The following GRM5 variants were observed in gnomAD, a reference collection of about 807,000 sequenced individuals.
GRM5 encodes the protein metabotropic glutamate receptor 5.
A neutral mutation model predicts 83.1 loss-of-function variants in GRM5; 19 were observed. That is an observed-to-expected ratio of 0.23 (90% CI 0.16 to 0.34). The LOEUF (loss-of-function observed/expected upper bound fraction) is 0.34, where lower values mean the gene tolerates loss of function less well. Among genes scored for constraint, GRM5 ranks in the 10% least tolerant of loss-of-function variants. The pLI, the probability that GRM5 is intolerant of heterozygous loss-of-function variation, is 1.00. For synonymous variants in GRM5, 675 were observed against 633.6 expected (o/e 1.07, Z -0.98); for missense variants, 1,160 against 1,588.3 (o/e 0.73, Z 4.58).
intron 2 of GRM5, among the ~76,000 whole-genome samples, chr11:88,986,614 A>AT (rs143455850): frequency 0.083 from 12,519 of 150,630 alleles, 1,651 homozygotes; most frequent in African/African-American, 0.28. Context: ...CTTCCTAGAT[A>AT]TGTGGTTTGC....
At chr11:88,621,529 C>G (rs906647939) in intron 4 of GRM5, among the ~76,000 whole-genome samples, 1 of 152,090 alleles carries the variant, frequency 6.6e-6, no homozygotes, top group Non-Finnish European at 1.5e-5. Flanking sequence ...TATGACCCCA[C>G]AACAGGTACC....
chr11:88,568,999 A>G (rs923417412), intron 7 of GRM5, among the ~76,000 whole-genome samples: 15 of 152,244 alleles, frequency 9.9e-5, no homozygotes, highest in Non-Finnish European at 2.1e-4. Flanking sequence ...GTGACAGAAT[A>G]TAGCATCATT....
intron 2 of GRM5, among the ~76,000 whole-genome samples, chr11:88,983,675 C>T (rs1305597402): frequency 6.6e-6 from 1 of 152,044 alleles, no homozygotes; most frequent in Non-Finnish European, 1.5e-5. Flanking sequence ...TGATAATATA[C>T]TTTATACTTT....
Position 88,739,822 on chromosome 11 carries a change from C to G in GRM5, c.912-86419G>C, listed in dbSNP as rs1429218493. Among the ~76,000 whole-genome samples, 4 of 152,098 alleles carry G rather than the reference C, an allele frequency of 2.6e-5. No homozygotes were observed. In the East Asian group the frequency reaches 7.7e-4, roughly 29 times the overall value. On this transcript the variant is annotated intron_variant, in intron 3 of 9. Coordinates refer to ENST00000305447, the MANE Select transcript of GRM5 (RefSeq NM_001143831.3). ...TAAACCTCTTTCCTTTATAAATTAC[C>G]CAGTCTTGGGCAATTGTTCATAGCA...
chr11:89,064,941 G>GAGAGAGAGAGA (rs56894219), intron 1 of GRM5, among the ~76,000 whole-genome samples: 13 of 37,020 alleles, frequency 3.5e-4, no homozygotes, highest in South Asian at 1.5e-3. Flanking sequence ...AGAGAGAGAG[G>GAGAGAGAGAGA]GAGAGAGAGA....
chr11:88,607,982 C>T (rs1277350925), intron 4 of GRM5, among the ~76,000 whole-genome samples: 3 of 152,228 alleles, frequency 2.0e-5, no homozygotes, highest in African/African-American at 2.4e-5. Flanking sequence ...AACAGCATGT[C>T]CTTCAATGAT....
chr11:88,751,090 A>AAAAAAAAAAAAAAAAAAT (rs1942264086), intron 3 of GRM5, among the ~76,000 whole-genome samples: 12 of 140,346 alleles, frequency 8.6e-5, no homozygotes, highest in Non-Finnish European at 1.9e-4. Flanking sequence ...AAAAAAAAAA[A>AAAAAAAAAAAAAAAAAAT]AAAAACAAAG....
At chr11:88,770,209 GA>G (rs1275306427) in intron 3 of GRM5, among the ~76,000 whole-genome samples, 2 of 152,004 alleles carry the variant, frequency 1.3e-5, no homozygotes, top group African/African-American at 4.8e-5. Context: ...TTACAGCCAA[GA>G]GGAGCCTAAG....
At chr11:88,780,927 C>T (rs1181489569) in intron 3 of GRM5, among the ~76,000 whole-genome samples, 3 of 151,922 alleles carry the variant, frequency 2.0e-5, no homozygotes, top group Non-Finnish European at 4.4e-5. Context: ...CTCCTTTGAT[C>T]TATTCATACA....
At chr11:88,957,751 A>G (rs192518660) in intron 2 of GRM5, among the ~76,000 whole-genome samples, 101 of 152,302 alleles carry the variant, frequency 6.6e-4, no homozygotes, top group Middle Eastern at 3.4e-3. Context: ...ATGCTTTAAA[A>G]TGATCTTCCC....
Position 89,047,975 on chromosome 11 carries a change from A to C in GRM5, c.-103T>G. The C allele has an allele frequency of 2.5e-6, 2 of 797,734 alleles. No individual in the cohort carries two copies. The highest frequency in any genetic ancestry group is 4.9e-5 in the Admixed American group (2 of 40,484). The allele number at this position is 797,734 out of a possible 1,614,324, so 49.4% of individuals were successfully genotyped here. A position where few individuals can be genotyped will look rare whatever the true frequency, so the allele number is the denominator to read the frequency against. ...GATGTCCTACGTTGAGTCGCAAATCAAGAAATTAGCCAGCAATTCAGATGT... is the reference window on the plus strand; with the variant it reads ...GATGTCCTACGTTGAGTCGCAAATCCAGAAATTAGCCAGCAATTCAGATGT... On this transcript the variant is annotated 5_prime_UTR_variant, in exon 2 of 10. Transcript: ENST00000305447. This position sits in a 1 kb window ranked among gnomAD's most constrained non-coding sequence, Gnocchi z 5.1.
At position 88,582,667 on chromosome 11, in the gene GRM5, T is replaced by G. The variant is rs147256477; in HGVS notation, c.1690+7934A>C. 7.3e-3 allele frequency among the ~76,000 whole-genome samples: 1,115 copies of G among 152,290 alleles called. 12 individuals are homozygous for G. The highest frequency in any genetic ancestry group is 0.026 in the African/African-American group (1,077 of 41,570). On this transcript the variant is annotated intron_variant, in intron 7 of 9. Transcript: ENST00000305447. ...ATCAGAAATTTCCTCTAAAGAATCA[T>G]AAACAAATAATATTTAATAGATGCC... is the stretch of plus-strand genomic sequence containing the variant.
intron 2 of GRM5, among the ~76,000 whole-genome samples, chr11:88,883,433 G>A (rs948250886): frequency 2.0e-5 from 3 of 152,140 alleles, no homozygotes; most frequent in Non-Finnish European, 4.4e-5. Context: ...AGAGATCTGT[G>A]GAACTTTCAA....
At chr11:88,544,882 T>C (rs1942354374) in intron 8 of GRM5, among the ~76,000 whole-genome samples, 1 of 152,238 alleles carries the variant, frequency 6.6e-6, no homozygotes, top group African/African-American at 2.4e-5. Flanking sequence ...TGCATCTTGA[T>C]AGTTTGCACA....
In GRM5 at chr11:88,695,762, G is replaced by A. The variant is rs113594144; in HGVS notation, c.912-42359C>T. Among the ~76,000 whole-genome samples, 558 of 152,222 alleles carry A rather than the reference G, an allele frequency of 3.7e-3. 4 individuals are homozygous for A. The highest frequency in any genetic ancestry group is 2.0e-3 in the Non-Finnish European group (139 of 68,020). On this transcript the variant is annotated intron_variant, in intron 3 of 9. Coordinates refer to ENST00000305447, the MANE Select transcript of GRM5 (RefSeq NM_001143831.3). Reference sequence around the variant, plus strand: ...AGTTCCCTTATCCCTCTCACAGGGCGTGAGACAGGGTGTGGCTCGCTTCTT... The same window carrying A: ...AGTTCCCTTATCCCTCTCACAGGGCATGAGACAGGGTGTGGCTCGCTTCTT...
intron 3 of GRM5, among the ~76,000 whole-genome samples, chr11:88,805,188 T>A (rs1289391983): frequency 6.6e-6 from 1 of 152,096 alleles, no homozygotes; most frequent in Admixed American, 6.6e-5. Flanking sequence ...TATTTTAATT[T>A]ATTTTATTTA....
intron 2 of GRM5, among the ~76,000 whole-genome samples, chr11:89,020,735 CTA>C (rs1940963880): frequency 6.6e-6 from 1 of 152,110 alleles, no homozygotes; most frequent in Non-Finnish European, 1.5e-5. Flanking sequence ...ACATATTATT[CTA>C]TGTTAAAAAT....
intron 4 of GRM5, among the ~76,000 whole-genome samples, chr11:88,651,017 G>A (rs114537619): frequency 3.7e-4 from 57 of 152,082 alleles, no homozygotes; most frequent in African/African-American, 1.3e-3. Context: ...GATTCCAAGG[G>A]GGGGGATGGA....
At chr11:88,638,332 A>C (rs1422335736) in intron 4 of GRM5, among the ~76,000 whole-genome samples, 3 of 152,138 alleles carry the variant, frequency 2.0e-5, no homozygotes, top group African/African-American at 7.2e-5. Flanking sequence ...AAAAGGTATT[A>C]TTAGATTTGA....
Sources: gnomAD v4.1 joint callset for allele counts (sites outside exome capture counted in the v4.1 genomes callset) on GRCh38, gnomAD v4.1.1 for gene constraint, Gnocchi (gnomAD v3.1) non-coding constraint, MANE v1.5 for transcripts, NCBI Gene and HGNC (gene_info 2026-07-23, HGNC 2026-07-21) for gene names.